The following COL4A6 variants were observed in gnomAD, a reference collection of about 807,000 sequenced individuals.
COL4A6 encodes the protein collagen alpha-6(IV) chain.
A neutral mutation model predicts 126.7 loss-of-function variants in COL4A6; 59 were observed. The ratio of observed to expected loss-of-function variants is 0.47; its 90% CI spans 0.38 to 0.58. The LOEUF is 0.58. Among genes scored for constraint, COL4A6 ranks in the 20% least tolerant of loss-of-function variants. COL4A6 has a pLI of 0.00. For synonymous variants in COL4A6, 547 were observed against 496.6 expected (o/e 1.10, Z -1.35); for missense variants, 1,285 against 1,337.3 (o/e 0.96, Z 0.61).
intron 23 of COL4A6, among the ~76,000 whole-genome samples, chrX:108,184,504 A>G (rs759582911): frequency 8.9e-6 from 1 of 111,823 alleles, no homozygotes; most frequent in African/African-American, 3.2e-5. Context: ...TAGTTCCCAC[A>G]AGAGCAGGCT....
At chrX:108,200,865 C>T (rs756461298) in intron 13 of COL4A6, among the ~76,000 whole-genome samples, 1 of 111,598 alleles carries the variant, frequency 9.0e-6, no homozygotes, top group Non-Finnish European at 1.9e-5. Flanking sequence ...ATCACATGTA[C>T]CCTATAAATA....
Position 108,283,953 on chromosome X carries a change from T to C in COL4A6, c.144+26795A>G, listed in dbSNP as rs192422014. Among the ~76,000 whole-genome samples the C allele has an allele frequency of 4.6e-3, 508 of 111,483 alleles. 3 individuals carry two copies. Among genetic ancestry groups the C allele is most frequent in the African/African-American group, 0.015 (473 of 30,689 alleles). On this transcript the variant is annotated intron_variant, in intron 3 of 44. Coordinates refer to ENST00000334504, the MANE Select transcript of COL4A6 (RefSeq NM_033641.4). ...TGCTCTGGTGATAGAGGACAACATC[T>C]GAAGAAGGGTCACACTTGAGAAATG...
At chrX:108,332,073 T>G (rs1164841348) in intron 2 of COL4A6, among the ~76,000 whole-genome samples, 1 of 111,517 alleles carries the variant, frequency 9.0e-6, no homozygotes, top group African/African-American at 3.3e-5. Context: ...ACTCATTTTT[T>G]ATCTCCCACT....
At chrX:108,202,591 C>CT (rs1479921466) in intron 13 of COL4A6, among the ~76,000 whole-genome samples, 1 of 111,884 alleles carries the variant, frequency 8.9e-6, no homozygotes, top group East Asian at 2.8e-4. Flanking sequence ...TCATTCTCCC[C>CT]TTTTTTGTAG....
At chrX:108,428,640 A>G (rs2064127174) in intron 2 of COL4A6, among the ~76,000 whole-genome samples, 2 of 111,130 alleles carry the variant, frequency 1.8e-5, no homozygotes, top group Non-Finnish European at 3.8e-5. Context: ...GAGTTTACCT[A>G]TGTAACAAAT....
At chrX:108,208,754 C>T (rs2035618553) in intron 8 of COL4A6, among the ~76,000 whole-genome samples, 1 of 110,855 alleles carries the variant, frequency 9.0e-6, no homozygotes, top group African/African-American at 3.3e-5. Flanking sequence ...GGATAAGGGG[C>T]GGAGAGGGTA....
intron 2 of COL4A6, among the ~76,000 whole-genome samples, chrX:108,418,059 A>G (rs1250040013): frequency 8.9e-6 from 1 of 112,280 alleles, no homozygotes; most frequent in Non-Finnish European, 1.9e-5. Context: ...GAAGTGTTAG[A>G]TCACCAAGAA....
chrX:108,178,408 C>T (rs907130791), intron 27 of COL4A6, among the ~76,000 whole-genome samples: 1 of 111,489 alleles, frequency 9.0e-6, no homozygotes, highest in Non-Finnish European at 1.9e-5. Flanking sequence ...CTGGGGAGGT[C>T]GGGAGAGTTG....
intron 2 of COL4A6, among the ~76,000 whole-genome samples, chrX:108,348,731 C>G (rs764128466): frequency 9.0e-6 from 1 of 111,548 alleles, no homozygotes; most frequent in African/African-American, 3.3e-5. Context: ...ATAAATAAGT[C>G]ACAAGAGGGC....
At chrX:108,401,226 A>G (rs1018733415) in intron 2 of COL4A6, among the ~76,000 whole-genome samples, 6 of 111,250 alleles carry the variant, frequency 5.4e-5, no homozygotes, top group South Asian at 3.7e-4. Flanking sequence ...ATCCTTTGAC[A>G]TAGTAATTTT....
intron 2 of COL4A6, among the ~76,000 whole-genome samples, chrX:108,330,533 G>T (rs1388949457): frequency 9.0e-6 from 1 of 111,289 alleles, no homozygotes; most frequent in African/African-American, 3.3e-5. Flanking sequence ...CTTTTAAATG[G>T]TTGATGAATG....
At chrX:108,298,793 G>T (rs1263191481) in intron 3 of COL4A6, among the ~76,000 whole-genome samples, 2 of 109,743 alleles carry the variant, frequency 1.8e-5, no homozygotes, top group Admixed American at 1.9e-4. Flanking sequence ...GGACCTTGGA[G>T]GCCTTCAAGT....
chrX:108,233,889 C>T (rs901551617), intron 3 of COL4A6, among the ~76,000 whole-genome samples: 2 of 111,832 alleles, frequency 1.8e-5, no homozygotes, highest in African/African-American at 3.3e-5. Flanking sequence ...CACAGACACA[C>T]GCAGGCAAAA....
intron 2 of COL4A6, among the ~76,000 whole-genome samples, chrX:108,417,522 A>G (rs2041457208): frequency 1.8e-5 from 2 of 111,946 alleles, no homozygotes; most frequent in Non-Finnish European, 3.8e-5. Flanking sequence ...AAGTCAGTTT[A>G]GAAGCCTCTT....
At chrX:108,214,061 T>G (rs910952895) in intron 6 of COL4A6, 51 bp downstream of exon 6, 7 of 1,059,801 alleles carry the variant, frequency 6.6e-6, no homozygotes, top group Non-Finnish European at 9.2e-6. Context: ...AGGGCACACG[T>G]AGAGACAAGC....
chrX:108,369,772 C>A (rs2040280762), intron 2 of COL4A6, among the ~76,000 whole-genome samples: 1 of 112,011 alleles, frequency 8.9e-6, no homozygotes, highest in Admixed American at 9.5e-5. Flanking sequence ...CAAACTATTT[C>A]TGTAAAGGGC....
intron 14 of COL4A6, 21 bp from the exon 15 acceptor site, chrX:108,195,147 C>T: frequency 8.5e-7 from 1 of 1,173,900 alleles, no homozygotes; most frequent in Non-Finnish European, 1.2e-6. Context: ...AATAGTTACA[C>T]CTTAGAAACA....
intron 3 of COL4A6, among the ~76,000 whole-genome samples, chrX:108,231,955 G>C (rs1462961792): frequency 9.0e-6 from 1 of 111,672 alleles, no homozygotes; most frequent in African/African-American, 3.3e-5. Flanking sequence ...CTGGTCAGTG[G>C]GTAATGGTTA....
chrX:108,292,028 A>T (rs1444678361), intron 3 of COL4A6, among the ~76,000 whole-genome samples: 1 of 111,884 alleles, frequency 8.9e-6, no homozygotes, highest in Non-Finnish European at 1.9e-5. Context: ...CATACAACTT[A>T]ATTTTTTATG....
Sources: allele counts gnomAD v4.1 joint callset (sites outside exome capture counted in the v4.1 genomes callset), GRCh38; gene constraint gnomAD v4.1.1; transcripts MANE v1.5; gene names NCBI Gene and HGNC (gene_info 2026-07-23, HGNC 2026-07-21).